NRXN1: variants seen among roughly 807,000 people sequenced by gnomAD.
The protein encoded by NRXN1 is neurexin-1.
A neutral mutation model predicts 150.9 loss-of-function variants in NRXN1; 39 were observed. The observed-to-expected ratio is 0.26, with a 90% CI of 0.20 to 0.34. NRXN1 has a LOEUF of 0.34. Ranked by LOEUF, NRXN1 falls within the 10% of genes least tolerant of loss-of-function variation. NRXN1 has a pLI of 1.00. For synonymous variants in NRXN1, 924 were observed against 757.0 expected (o/e 1.22, Z -3.62); for missense variants, 1,815 against 1,949.9 (o/e 0.93, Z 1.30).
At chr2:50,300,577 G>C (rs922287447) in intron 17 of NRXN1, among the ~76,000 whole-genome samples, 1 of 152,320 alleles carries the variant, frequency 6.6e-6, no homozygotes, top group East Asian at 1.9e-4. Context: ...CTCCCTTGCA[G>C]CTAAGTGTGA....
At chr2:50,851,662 G>C (rs62140624) in intron 5 of NRXN1, among the ~76,000 whole-genome samples, 2 of 151,822 alleles carry the variant, frequency 1.3e-5, no homozygotes, top group Admixed American at 6.6e-5. Flanking sequence ...TAAAATAAAC[G>C]GATAAATTCC....
At chr2:50,536,293 G>GC (rs1334895678) in intron 10 of NRXN1, among the ~76,000 whole-genome samples, 6 of 152,186 alleles carry the variant, frequency 3.9e-5, no homozygotes, top group Non-Finnish European at 7.3e-5. Context: ...AATGCATACA[G>GC]CCAACCTGGA....
intron 5 of NRXN1, among the ~76,000 whole-genome samples, chr2:50,861,045 C>A (rs1179322807): frequency 6.6e-6 from 1 of 151,966 alleles, no homozygotes; most frequent in Non-Finnish European, 1.5e-5. Context: ...TGGGCATAGA[C>A]ATGATTAGGT....
intron 21 of NRXN1, among the ~76,000 whole-genome samples, chr2:49,976,600 C>A (rs966895089): frequency 1.5e-4 from 23 of 152,074 alleles, no homozygotes; most frequent in Non-Finnish European, 3.2e-4. Flanking sequence ...GAGGGAAGGA[C>A]ATGTGGCCTG....
chr2:51,020,728 G>A (rs1236188059), intron 2 of NRXN1, among the ~76,000 whole-genome samples: 1 of 151,742 alleles, frequency 6.6e-6, no homozygotes, highest in African/African-American at 2.4e-5. Context: ...GAACATTGAT[G>A]GTGTTATTTT....
chr2:50,997,018 C>T (rs186122267), intron 2 of NRXN1, among the ~76,000 whole-genome samples: 7 of 151,766 alleles, frequency 4.6e-5, no homozygotes, highest in Admixed American at 1.3e-4. Flanking sequence ...ACTTTTTTTT[C>T]AATGGATCCT....
chr2:50,002,735 C>A (rs1458179523), intron 21 of NRXN1, among the ~76,000 whole-genome samples: 1 of 151,984 alleles, frequency 6.6e-6, no homozygotes, highest in Non-Finnish European at 1.5e-5. Flanking sequence ...GACTAGGAGT[C>A]AAGGGATCTG....
At chr2:50,387,338 G>C (rs965323156) in intron 17 of NRXN1, among the ~76,000 whole-genome samples, 1 of 152,072 alleles carries the variant, frequency 6.6e-6, no homozygotes, top group African/African-American at 2.4e-5. Flanking sequence ...ATTGATGAGA[G>C]ATAAGAAAAC....
At chr2:50,636,280 G>A (rs1299771943) in intron 5 of NRXN1, among the ~76,000 whole-genome samples, 3 of 152,142 alleles carry the variant, frequency 2.0e-5, no homozygotes, top group East Asian at 1.9e-4. Flanking sequence ...TCAGGGAAAC[G>A]CATCAGGCTA....
chr2:50,445,197 C>G (rs1030779666), intron 17 of NRXN1, among the ~76,000 whole-genome samples: 1 of 152,030 alleles, frequency 6.6e-6, no homozygotes, highest in African/African-American at 2.4e-5. Context: ...CCCACATAAC[C>G]AAAACAACCA....
At chr2:50,420,284 A>G (rs1190874000) in intron 17 of NRXN1, among the ~76,000 whole-genome samples, 2 of 151,526 alleles carry the variant, frequency 1.3e-5, no homozygotes, top group Non-Finnish European at 3.0e-5. Context: ...AGTACTCATT[A>G]TTAATAGAAA....
At chr2:50,363,026 C>T (rs1019066281) in intron 17 of NRXN1, among the ~76,000 whole-genome samples, 2 of 152,172 alleles carry the variant, frequency 1.3e-5, no homozygotes, top group Non-Finnish European at 2.9e-5. Context: ...GTTGGGGGAA[C>T]TGGCTAGCCA....
Position 51,028,157 on chromosome 2 carries a change from T to C in NRXN1, c.117A>G (p.Gln39=). ...SGLEFPGAEG[Q]WTRFPKWNAC... ...CGTTCCACTTGGGGAAGCGCGTCCA[T>C]TGGCCCTCGGCGCCCGGAAACTCCA... The change falls in exon 2 of 23, where the codon CAA becomes CAG. Residue 39 remains glutamine (Q), a synonymous_variant. Transcript: ENST00000401669. 6.5e-7 allele frequency: 1 copy of C among 1,533,204 alleles called. No homozygotes were observed. The highest frequency in any genetic ancestry group is 8.7e-7 in the Non-Finnish European group (1 of 1,143,200). 95.0% of individuals were successfully genotyped at this position (1,533,204 alleles called of 1,614,324 possible).
At chr2:50,071,163 C>A (rs1375106300) in intron 19 of NRXN1, among the ~76,000 whole-genome samples, 1 of 152,246 alleles carries the variant, frequency 6.6e-6, no homozygotes, top group East Asian at 1.9e-4. Context: ...CCTGAACTAA[C>A]TAGGCCGTAT....
At chr2:50,822,241 C>A (rs1339194745) in intron 5 of NRXN1, among the ~76,000 whole-genome samples, 1 of 151,982 alleles carries the variant, frequency 6.6e-6, no homozygotes, top group African/African-American at 2.4e-5. Context: ...ATAAATATAG[C>A]TTTCCGTTTA....
chr2:50,857,883 T>C (rs989482013), intron 5 of NRXN1, among the ~76,000 whole-genome samples: 1 of 152,104 alleles, frequency 6.6e-6, no homozygotes, highest in South Asian at 2.1e-4. Context: ...TCATTCTGCA[T>C]CGGTACTGGC....
intron 18 of NRXN1, among the ~76,000 whole-genome samples, chr2:50,219,981 T>TA (rs2063742634): frequency 2.1e-5 from 1 of 48,120 alleles, no homozygotes; most frequent in African/African-American, 2.1e-4. Flanking sequence ...ATATAATATA[T>TA]ATATTATATA....
chr2:50,678,404 T>C (rs540578346), intron 5 of NRXN1, among the ~76,000 whole-genome samples: 4 of 152,310 alleles, frequency 2.6e-5, no homozygotes, highest in African/African-American at 7.2e-5. Context: ...AATGACAACT[T>C]TGTAAAAATG....
At chr2:51,021,835 T>C (rs1457460115) in intron 2 of NRXN1, among the ~76,000 whole-genome samples, 1 of 152,046 alleles carries the variant, frequency 6.6e-6, no homozygotes, top group Non-Finnish European at 1.5e-5. Flanking sequence ...TAAAAATCAC[T>C]GCTTAAATAT....
Sources: gnomAD v4.1 joint callset for allele counts (sites outside exome capture counted in the v4.1 genomes callset) on GRCh38, gnomAD v4.1.1 for gene constraint, MANE v1.5 for transcripts, NCBI Gene and HGNC (gene_info 2026-07-23, HGNC 2026-07-21) for gene names.